The following NCAM2 variants were observed in gnomAD, a reference collection of about 807,000 sequenced individuals.
NCAM2 encodes neural cell adhesion molecule 2.
Under a neutral mutation model 98.1 loss-of-function variants are expected in NCAM2, and 30 were observed. That is an observed-to-expected ratio of 0.31 (90% CI 0.23 to 0.41). NCAM2 has a LOEUF of 0.41. Among genes scored for constraint, NCAM2 ranks in the 10% least tolerant of loss-of-function variants. The pLI is 1.00. For missense variants in NCAM2, 867 were observed against 1,005.8 expected, an observed-to-expected ratio of 0.86 and a Z score of 1.87; for synonymous variants, 368 against 342.4, an observed-to-expected ratio of 1.07 and a Z score of -0.83.
intron 1 of NCAM2, among the ~76,000 whole-genome samples, chr21:21,279,603 G>A (rs146249666): frequency 6.6e-6 from 1 of 152,090 alleles, no homozygotes; most frequent in East Asian, 1.9e-4. Flanking sequence ...GTGATCTGCC[G>A]GCCTTGGCCT....
At position 21,540,827 on chromosome 21, in the gene NCAM2, A is replaced by G. The variant is rs1409409371; in HGVS notation, c.*2870A>G. On this transcript the variant is annotated 3_prime_UTR_variant, in exon 18 of 18. Transcript: ENST00000400546. Reference sequence around the variant, plus strand: ...GCAGTGACAATCTGTATTCAACAACATATAAGAGGAAAGAGTAATATCAGA... The same window carrying G: ...GCAGTGACAATCTGTATTCAACAACGTATAAGAGGAAAGAGTAATATCAGA... The G allele has an allele frequency of 6.6e-6, 1 of 152,006 alleles. No homozygotes were observed. Among genetic ancestry groups the G allele is most frequent in the African/African-American group, 2.4e-5 (1 of 41,450 alleles). The allele number at this position is 152,006 out of a possible 1,614,324, so 9.4% of individuals were successfully genotyped here.
chr21:21,157,779 T>G (rs886327221), intron 1 of NCAM2, among the ~76,000 whole-genome samples: 1 of 152,156 alleles, frequency 6.6e-6, no homozygotes, highest in Admixed American at 6.5e-5. Flanking sequence ...TTAAAAGGAT[T>G]CATTCTAGGC....
chr21:21,016,150 A>G (rs1317620977), intron 1 of NCAM2, among the ~76,000 whole-genome samples: 1 of 152,182 alleles, frequency 6.6e-6, no homozygotes, highest in Non-Finnish European at 1.5e-5. Context: ...GAATGACATT[A>G]ACATGATTTC....
intron 8 of NCAM2, among the ~76,000 whole-genome samples, chr21:21,358,793 C>G (rs543055839): frequency 1.3e-5 from 2 of 152,026 alleles, no homozygotes; most frequent in Non-Finnish European, 2.9e-5. Context: ...CAATCTGCAA[C>G]ATCCCCTTAT....
intron 11 of NCAM2, among the ~76,000 whole-genome samples, chr21:21,427,417 A>T (rs759526491): frequency 6.6e-6 from 1 of 152,202 alleles, no homozygotes; most frequent in Non-Finnish European, 1.5e-5. Context: ...TTATCAGTTA[A>T]TCAAGACGTG....
At chr21:21,450,489 C>T (rs952476305) in intron 12 of NCAM2, among the ~76,000 whole-genome samples, 27 of 151,808 alleles carry the variant, frequency 1.8e-4, no homozygotes, top group Admixed American at 3.3e-4. Flanking sequence ...GGACTACACA[C>T]GGCTAATTTA....
chr21:21,507,965 G>A (rs981743528), intron 15 of NCAM2, among the ~76,000 whole-genome samples: 1 of 151,650 alleles, frequency 6.6e-6, no homozygotes, highest in Admixed American at 6.6e-5. Flanking sequence ...TTATAGCTGC[G>A]GAGTCTACCC....
At chr21:21,535,135 T>C (rs978598928) in intron 17 of NCAM2, among the ~76,000 whole-genome samples, 3 of 152,134 alleles carry the variant, frequency 2.0e-5, no homozygotes, top group Non-Finnish European at 4.4e-5. Flanking sequence ...TTGCAATATC[T>C]ATGTAGTAAA....
In NCAM2 at chr21:21,330,567, A is replaced by G. The variant is rs569284094; in HGVS notation, c.738-4938A>G. Among the ~76,000 whole-genome samples the G allele has an allele frequency of 2.0e-5, 3 of 152,208 alleles. No individual in the cohort carries two copies. In the South Asian group the frequency reaches 6.2e-4, roughly 32 times the overall value. Reference sequence around the variant, plus strand: ...AGTATGTGTATTCCACTATTATTGTATGGAGAAATCCCTAATATTAAATAG... The same window carrying G: ...AGTATGTGTATTCCACTATTATTGTGTGGAGAAATCCCTAATATTAAATAG... On this transcript the variant is annotated intron_variant, in intron 6 of 17. Coordinates refer to ENST00000400546, the MANE Select transcript of NCAM2 (RefSeq NM_004540.5).
At chr21:21,389,616 C>A (rs995664754) in intron 9 of NCAM2, among the ~76,000 whole-genome samples, 2 of 152,120 alleles carry the variant, frequency 1.3e-5, no homozygotes, top group Admixed American at 6.6e-5. Context: ...CTCTGGTAAC[C>A]ACCATTCTAT....
At chr21:21,390,836 G>A (rs541711505) in intron 9 of NCAM2, among the ~76,000 whole-genome samples, 23 of 152,250 alleles carry the variant, frequency 1.5e-4, no homozygotes, top group African/African-American at 5.3e-4. Flanking sequence ...TATGCTAAAT[G>A]TATGGTCAAA....
rs370026549 is a variant in NCAM2, at chr21:21,225,961, A to G, written c.56-54617A>G. Among the ~76,000 whole-genome samples, 8 of 152,144 alleles carry G rather than the reference A, an allele frequency of 5.3e-5. No individual in the cohort carries two copies. The East Asian group carries it at 1.2e-3, about 22-fold the overall frequency. On this transcript the variant is annotated intron_variant, in intron 1 of 17. Transcript: ENST00000400546. ...GATAGTGGTGGTACATACACACCATAGAATACTAGGCCACCATAAAAAGAA... is the reference window on the plus strand; with the variant it reads ...GATAGTGGTGGTACATACACACCATGGAATACTAGGCCACCATAAAAAGAA...
chr21:21,310,045 T>A (rs1421915483), intron 5 of NCAM2, among the ~76,000 whole-genome samples: 1 of 152,212 alleles, frequency 6.6e-6, no homozygotes, highest in African/African-American at 2.4e-5. Flanking sequence ...ATTTCAGTGT[T>A]CTAAGGTTTT....
intron 8 of NCAM2, among the ~76,000 whole-genome samples, chr21:21,363,950 C>G (rs188195585): frequency 7.9e-5 from 12 of 152,104 alleles, no homozygotes; most frequent in Non-Finnish European, 1.8e-4. Context: ...TAATTGAAGG[C>G]TTCTAACAAT....
At chr21:20,999,309 G>T (rs1402127037) in intron 1 of NCAM2, among the ~76,000 whole-genome samples, 7 of 151,792 alleles carry the variant, frequency 4.6e-5, no homozygotes, top group Non-Finnish European at 1.0e-4. Context: ...ACCTGTAGAG[G>T]ATTTTTGGGG....
chr21:21,462,717 T>A (rs1289201618), intron 12 of NCAM2, among the ~76,000 whole-genome samples: 2 of 152,074 alleles, frequency 1.3e-5, no homozygotes, highest in Non-Finnish European at 2.9e-5. Flanking sequence ...AAAGCGTTAT[T>A]TCTAAAATTC....
rs1303541927 is a variant in NCAM2 at position 21,303,122 on chromosome 21, G to A, written c.619+10881G>A. Among the ~76,000 whole-genome samples the A allele has an allele frequency of 2.6e-5, 4 of 152,008 alleles. No individual in the cohort carries two copies. In the East Asian group the frequency reaches 5.8e-4, roughly 22 times the overall value. The stretch of plus-strand genomic sequence containing the variant: ...AGAGCAGGGAGGGAGAAAGGGAGGC[G>A]TGGGCTGAAGAACGACCTTTTGGGT... On this transcript the variant is annotated intron_variant, in intron 5 of 17. Coordinates refer to ENST00000400546, the MANE Select transcript of NCAM2 (RefSeq NM_004540.5).
chr21:21,477,427 C>T lies in NCAM2; in HGVS notation c.2033C>T (p.Thr678Ile), dbSNP rs1169932803. 1.2e-6 allele frequency: 2 copies of T among 1,608,248 alleles called. No individual in the cohort carries two copies. Among genetic ancestry groups the T allele is most frequent in the Non-Finnish European group, 1.7e-6 (2 of 1,176,196 alleles). ...AATAGATTGGGATATTCTGAACCGA[C>T]AGTTTATGAATTCAGCATGCCACCA... ...AANRLGYSEP[T>I]VYEFSMPPKP... is the part of the protein sequence containing the mutation. The change falls in exon 15 of 18, where the codon ACA (threonine) becomes ATA (isoleucine). Residue 678 changes from threonine (T) to isoleucine (I), a missense_variant. Physicochemically the swap from Thr to Ile is moderately conservative, Grantham distance 89. Coordinates refer to ENST00000400546, the MANE Select transcript of NCAM2 (RefSeq NM_004540.5).
At chr21:21,333,930 A>G (rs2074783693) in intron 6 of NCAM2, among the ~76,000 whole-genome samples, 1 of 152,060 alleles carries the variant, frequency 6.6e-6, no homozygotes, top group South Asian at 2.1e-4. Context: ...TATCAAAAAT[A>G]TATATAAAAG....
Sources: gnomAD v4.1 joint callset for allele counts (sites outside exome capture counted in the v4.1 genomes callset) on GRCh38, gnomAD v4.1.1 for gene constraint, MANE v1.5 for transcripts, NCBI Gene and HGNC (gene_info 2026-07-23, HGNC 2026-07-21) for gene names.